PACRG: variants seen among roughly 807,000 people sequenced by gnomAD.
The protein encoded by PACRG is parkin coregulated.
Under a neutral mutation model 29.7 loss-of-function variants are expected in PACRG, and 29 were observed. The observed-to-expected ratio is 0.98, with a 90% CI of 0.73 to 1.33. PACRG has a LOEUF of 1.33. PACRG is among the 40% of genes most tolerant of loss of function. The pLI is 0.00. For synonymous variants in PACRG, 116 were observed against 118.7 expected (o/e 0.98, Z 0.15); for missense variants, 279 against 316.2 (o/e 0.88, Z 0.89).
At position 163,315,244 on chromosome 6, in the gene PACRG, C is replaced by T. The variant is rs1010077832; in HGVS notation, c.*257C>T. 14 of 341,180 alleles carry T rather than the reference C, an allele frequency of 4.1e-5. No individual in the cohort carries two copies. Among genetic ancestry groups the T allele is most frequent in the South Asian group, 1.7e-4 (2 of 11,680 alleles). 21.1% of individuals were successfully genotyped at this position (341,180 alleles called of 1,614,324 possible). A position where few individuals can be genotyped will look rare whatever the true frequency, so the allele number is the denominator to read the frequency against. ...GAAGAATTGCTTCTTTATACAGCTC[C>T]GACAGAAGCAGGAGTCCGAGTTAAA... is the stretch of plus-strand genomic sequence containing the variant. On this transcript the variant is annotated 3_prime_UTR_variant, in exon 5 of 5. Coordinates refer to ENST00000366888, the MANE Select transcript of PACRG (RefSeq NM_001080379.2).
intron 2 of PACRG, among the ~76,000 whole-genome samples, chr6:162,863,182 C>T (rs940943836): frequency 2.0e-5 from 3 of 152,164 alleles, no homozygotes; most frequent in East Asian, 1.9e-4. Flanking sequence ...TGTCTAGTAC[C>T]GTGCCTGATG....
At chr6:162,750,125 T>A (rs543193395) in intron 1 of PACRG, among the ~76,000 whole-genome samples, 1 of 152,260 alleles carries the variant, frequency 6.6e-6, no homozygotes, top group Non-Finnish European at 1.5e-5. Context: ...TTGTTCCGTG[T>A]ACATAAAACT....
At chr6:162,946,524 G>C (rs1034380045) in intron 2 of PACRG, among the ~76,000 whole-genome samples, 1 of 152,110 alleles carries the variant, frequency 6.6e-6, no homozygotes, top group South Asian at 2.1e-4. Context: ...GCAAAGTTCT[G>C]CACCTGAGGC....
At chr6:162,960,809 CA>C (rs1562782042) in intron 2 of PACRG, among the ~76,000 whole-genome samples, 1 of 152,208 alleles carries the variant, frequency 6.6e-6, no homozygotes, top group Non-Finnish European at 1.5e-5. Flanking sequence ...TCCAGAGACA[CA>C]AACAATGTCA....
At chr6:162,847,809 T>C (rs914527080) in intron 2 of PACRG, among the ~76,000 whole-genome samples, 1 of 151,940 alleles carries the variant, frequency 6.6e-6, no homozygotes, top group African/African-American at 2.4e-5. Flanking sequence ...AGGAGGAGGA[T>C]AGAAGTGGAA....
intron 4 of PACRG, among the ~76,000 whole-genome samples, chr6:163,204,892 T>C (rs1449306907): frequency 6.6e-6 from 1 of 152,190 alleles, no homozygotes. Flanking sequence ...AAAATCAATG[T>C]ACAAAAACCA....
intron 3 of PACRG, among the ~76,000 whole-genome samples, chr6:163,072,692 C>A (rs2128280942): frequency 6.6e-6 from 1 of 152,200 alleles, no homozygotes; most frequent in Non-Finnish European, 1.5e-5. Flanking sequence ...ATGATATCAT[C>A]TTATATTTTG....
chr6:163,206,180 T>A (rs1453063199), intron 4 of PACRG, among the ~76,000 whole-genome samples: 2 of 152,126 alleles, frequency 1.3e-5, no homozygotes. Context: ...TAAAACAGAA[T>A]TACCATTTGA....
intron 4 of PACRG, among the ~76,000 whole-genome samples, chr6:163,276,251 C>G (rs886726932): frequency 6.6e-5 from 10 of 152,076 alleles, no homozygotes; most frequent in Non-Finnish European, 1.5e-4. Flanking sequence ...TGGTCTTGAA[C>G]TCCTGGGCTC....
intron 2 of PACRG, among the ~76,000 whole-genome samples, chr6:162,892,988 A>G (rs1432577147): frequency 9.6e-6 from 1 of 104,408 alleles, no homozygotes; most frequent in Non-Finnish European, 2.5e-5. Flanking sequence ...CACACCCCGG[A>G]GAAGAACCAC....
At chr6:162,962,138 C>A in intron 2 of PACRG, among the ~76,000 whole-genome samples, 1 of 152,124 alleles carries the variant, frequency 6.6e-6, no homozygotes, top group East Asian at 1.9e-4. Context: ...CCTCATTTAA[C>A]CTCTGACACT....
intron 4 of PACRG, among the ~76,000 whole-genome samples, chr6:163,299,158 C>A (rs2128189456): frequency 6.6e-6 from 1 of 152,296 alleles, no homozygotes; most frequent in Admixed American, 6.5e-5. Flanking sequence ...TTCTTGAAAT[C>A]ACAGAATTTG....
intron 4 of PACRG, among the ~76,000 whole-genome samples, chr6:163,276,129 T>C (rs944474963): frequency 1.3e-5 from 2 of 151,944 alleles, no homozygotes; most frequent in Admixed American, 1.3e-4. Flanking sequence ...CAGGCTCAAA[T>C]GATCCTCCTG....
chr6:162,859,456 TAA>T (rs1791674175), intron 2 of PACRG, among the ~76,000 whole-genome samples: 1 of 152,170 alleles, frequency 6.6e-6, no homozygotes, highest in South Asian at 2.1e-4. Flanking sequence ...AGCACACGTT[TAA>T]CTGAGGAGTA....
At chr6:162,949,819 C>A (rs1188847914) in intron 2 of PACRG, among the ~76,000 whole-genome samples, 3 of 152,104 alleles carry the variant, frequency 2.0e-5, no homozygotes, top group Non-Finnish European at 4.4e-5. Flanking sequence ...GAGGGCTGAA[C>A]TGGCAGGTGT....
chr6:162,852,005 G>GGAA (rs1562663902), intron 2 of PACRG, among the ~76,000 whole-genome samples: 10 of 116,032 alleles, frequency 8.6e-5, no homozygotes, highest in Admixed American at 9.2e-5. Context: ...GGGAGGGAGG[G>GGAA]AGGAAGGAAG....
At chr6:163,106,910 A>G (rs749675253) in intron 4 of PACRG, among the ~76,000 whole-genome samples, 1 of 152,254 alleles carries the variant, frequency 6.6e-6, no homozygotes, top group Non-Finnish European at 1.5e-5. Flanking sequence ...AGACTTGCTC[A>G]TTAAACTATG....
At chr6:163,234,656 A>G (rs1045707598) in intron 4 of PACRG, among the ~76,000 whole-genome samples, 4 of 152,212 alleles carry the variant, frequency 2.6e-5, no homozygotes, top group Non-Finnish European at 5.9e-5. Flanking sequence ...GTAGCCACAG[A>G]TGCAGGTCAA....
At chr6:163,166,048 G>A (rs947236095) in intron 4 of PACRG, 15 of 453,528 alleles carry the variant, frequency 3.3e-5, no homozygotes, top group African/African-American at 1.2e-4. Flanking sequence ...ATCTAAATCC[G>A]AGTGTAATGA....
Sources: allele counts gnomAD v4.1 joint callset (sites outside exome capture counted in the v4.1 genomes callset), GRCh38; gene constraint gnomAD v4.1.1; transcripts MANE v1.5; gene names NCBI Gene and HGNC (gene_info 2026-07-23, HGNC 2026-07-21).